COL28A1: variants seen among roughly 807,000 people sequenced by gnomAD.
COL28A1 encodes collagen alpha-1(XXVIII) chain.
COL28A1 carries 161 observed loss-of-function variants against 150.2 expected under a neutral mutation model. The observed-to-expected ratio is 1.07, with a 90% CI of 0.94 to 1.22. The LOEUF (loss-of-function observed/expected upper bound fraction) is 1.22, where lower values mean the gene tolerates loss of function less well. Among genes scored for constraint, COL28A1 ranks in the 50% most tolerant of loss-of-function variants. The pLI, the probability that COL28A1 is intolerant of heterozygous loss-of-function variation, is 0.00. For synonymous variants in COL28A1, 552 were observed against 469.7 expected (o/e 1.18, Z -2.26); for missense variants, 1,617 against 1,388.3 (o/e 1.16, Z -2.62).
At chr7:7,342,924 T>A in the COL28A1 span, among the ~76,000 whole-genome samples, 1 of 152,010 alleles carries the variant, frequency 6.6e-6, no homozygotes, top group African/African-American at 2.4e-5. Context: ...TATTTAGAGT[T>A]TTCTAGAGTT....
At chr7:7,395,882 C>T (rs1782805102) in intron 27 of COL28A1, among the ~76,000 whole-genome samples, 1 of 152,142 alleles carries the variant, frequency 6.6e-6, no homozygotes, top group Admixed American at 6.5e-5. Context: ...GGGAACTGTA[C>T]ATTTTGAAAG....
chr7:7,511,047 A>G (rs369409549), intron 9 of COL28A1, 44 bp downstream of exon 9: 16 of 1,550,152 alleles, frequency 1.0e-5, no homozygotes, highest in Non-Finnish European at 1.2e-5. Context: ...AACGCAACCC[A>G]AAAGGGATCA....
At chr7:7,346,091 T>C in the COL28A1 span, among the ~76,000 whole-genome samples, 1 of 152,048 alleles carries the variant, frequency 6.6e-6, no homozygotes, top group South Asian at 2.1e-4. Flanking sequence ...AAAACTAAAG[T>C]TTAAGACATT....
chr7:7,520,150 G>A, intron 5 of COL28A1, 35 bp from the exon 6 acceptor site: 1 of 947,412 alleles, frequency 1.1e-6, no homozygotes, highest in Non-Finnish European at 1.7e-6. Context: ...ATTTTAAGTA[G>A]GAATTCTATT....
rs540338637 is a variant in COL28A1 at position 7,425,399 on chromosome 7, C to T, written c.1999-5446G>A. Among the ~76,000 whole-genome samples, 70 of 152,328 alleles carry T rather than the reference C, an allele frequency of 4.6e-4. 2 individuals are homozygous for T. Among genetic ancestry groups the T allele is most frequent in the African/African-American group, 1.4e-3 (60 of 41,562 alleles). Reference sequence around the variant, plus strand: ...AACTGTAAAAGTCCTTTCCCTACATCGCCAGTCACACCCTCTCAAGGAGAA... The same window carrying T: ...AACTGTAAAAGTCCTTTCCCTACATTGCCAGTCACACCCTCTCAAGGAGAA... On this transcript the variant is annotated intron_variant, in intron 25 of 34. Coordinates refer to ENST00000399429, the MANE Select transcript of COL28A1 (RefSeq NM_001037763.3).
chr7:7,432,209 C>T (rs545505693), intron 25 of COL28A1, among the ~76,000 whole-genome samples: 9 of 151,890 alleles, frequency 5.9e-5, no homozygotes, highest in East Asian at 3.9e-4. Flanking sequence ...AGGAGATCTC[C>T]GACTTGTACC....
At position 7,390,840 on chromosome 7, in the gene COL28A1, C is replaced by A. The variant is rs185573346; in HGVS notation, c.2137-9228G>T. The stretch of plus-strand genomic sequence containing the variant: ...TTTCTGTGGGATCAGCAGTGATATC[C>A]CCTTTATCATTTTTTATTGCATCTA... On this transcript the variant is annotated intron_variant, in intron 27 of 34. Coordinates refer to ENST00000399429, the MANE Select transcript of COL28A1 (RefSeq NM_001037763.3). 3.6e-3 allele frequency among the ~76,000 whole-genome samples: 540 copies of A among 152,086 alleles called. 1 individual carries two copies. Among genetic ancestry groups the A allele is most frequent in the Non-Finnish European group, 5.6e-3 (382 of 67,972 alleles).
At position 7,373,663 on chromosome 7, in the gene COL28A1, T is replaced by G; in HGVS notation, c.2360-117A>C. On this transcript the variant is annotated intron_variant, in intron 31 of 34. Coordinates refer to ENST00000399429, the MANE Select transcript of COL28A1 (RefSeq NM_001037763.3). The surrounding 1 kb of genome is among the most constrained non-coding windows in gnomAD (Gnocchi z 4.1). ...GACCTAAACTATTCTCTTCCTTTTCTGTGATTGTGAAAATACCTGACAGCT... is the reference window on the plus strand; with the variant it reads ...GACCTAAACTATTCTCTTCCTTTTCGGTGATTGTGAAAATACCTGACAGCT... The G allele has an allele frequency of 2.5e-6, 2 of 801,782 alleles. No homozygotes were observed. Among genetic ancestry groups the G allele is most frequent in the South Asian group, 3.6e-5 (2 of 55,982 alleles). The allele number at this position is 801,782 out of a possible 1,614,324, so 49.7% of individuals were successfully genotyped here. A position where few individuals can be genotyped will look rare whatever the true frequency, so the allele number is the denominator to read the frequency against.
At chr7:7,517,899 A>T in intron 6 of COL28A1, 62 bp from the exon 7 acceptor site, 1 of 1,605,506 alleles carries the variant, frequency 6.2e-7, no homozygotes, top group Non-Finnish European at 8.5e-7. Flanking sequence ...TTGCTCAATA[A>T]AATGCATTAT....
intron 23 of COL28A1, 27 bp from the exon 24 acceptor site, chr7:7,432,727 T>C (rs1181127881): frequency 5.7e-6 from 9 of 1,577,708 alleles, no homozygotes; most frequent in African/African-American, 2.7e-5. Context: ...ATCAGTGATA[T>C]CATGAGACTC....
intron 27 of COL28A1, among the ~76,000 whole-genome samples, chr7:7,399,328 A>G (rs1783030015): frequency 6.6e-6 from 1 of 152,134 alleles, no homozygotes; most frequent in Non-Finnish European, 1.5e-5. Flanking sequence ...GACATCTTCC[A>G]TATCAACCCA....
chr7:7,484,628 T>C (rs1779524824), intron 13 of COL28A1, among the ~76,000 whole-genome samples: 1 of 151,482 alleles, frequency 6.6e-6, no homozygotes, highest in African/African-American at 2.4e-5. Flanking sequence ...AAGAAATGAT[T>C]GAAGTAAAAG....
intron 3 of COL28A1, among the ~76,000 whole-genome samples, chr7:7,527,667 A>G (rs900586805): frequency 1.3e-5 from 2 of 152,146 alleles, no homozygotes; most frequent in Non-Finnish European, 2.9e-5. Context: ...AAAAGGATAA[A>G]TAGGGAAAGG....
chr7:7,455,355 G>A (rs946467387), intron 16 of COL28A1, among the ~76,000 whole-genome samples: 3 of 152,150 alleles, frequency 2.0e-5, no homozygotes, highest in African/African-American at 7.2e-5. Context: ...ACAGTAGAGA[G>A]TACTGTTATA....
intron 25 of COL28A1, among the ~76,000 whole-genome samples, chr7:7,423,521 G>A (rs182578935): frequency 6.6e-6 from 1 of 152,052 alleles, no homozygotes; most frequent in East Asian, 1.9e-4. Context: ...ATTTACATCT[G>A]TCGTGTGTAT....
intron 11 of COL28A1, among the ~76,000 whole-genome samples, chr7:7,494,528 G>A (rs1181366101): frequency 2.6e-5 from 4 of 152,160 alleles, no homozygotes; most frequent in Admixed American, 6.5e-5. Flanking sequence ...GATATTGTCT[G>A]CAAAACATCT....
chr7:7,491,785 A>G (rs1047536613), intron 11 of COL28A1, among the ~76,000 whole-genome samples: 3 of 152,230 alleles, frequency 2.0e-5, no homozygotes, highest in African/African-American at 7.2e-5. Context: ...TGGCATGATG[A>G]TAGGGGAAGG....
At chr7:7,371,534 G>A (rs1174475780) in intron 32 of COL28A1, among the ~76,000 whole-genome samples, 1 of 152,232 alleles carries the variant, frequency 6.6e-6, no homozygotes, top group East Asian at 1.9e-4. Flanking sequence ...CTGATGGGCT[G>A]TGCCCAGCCA....
chr7:7,376,072 C>A (rs752037702), intron 30 of COL28A1, among the ~76,000 whole-genome samples: 4 of 152,122 alleles, frequency 2.6e-5, no homozygotes, highest in Non-Finnish European at 5.9e-5. Flanking sequence ...TCCTGAACGC[C>A]CTTTTCTTGT....
Sources: allele counts gnomAD v4.1 joint callset (sites outside exome capture counted in the v4.1 genomes callset), GRCh38; gene constraint gnomAD v4.1.1; non-coding constraint Gnocchi (gnomAD v3.1); transcripts MANE v1.5; gene names NCBI Gene and HGNC (gene_info 2026-07-23, HGNC 2026-07-21).